IP6K2: variants seen among roughly 807,000 people sequenced by gnomAD.
The protein encoded by IP6K2 is inositol hexakisphosphate kinase 2.
In IP6K2, 9 loss-of-function variants were observed where a neutral mutation model predicts 43.3. That is an observed-to-expected ratio of 0.21 (90% CI 0.13 to 0.36). IP6K2 has a LOEUF of 0.36. Among genes scored for constraint, IP6K2 ranks in the 10% least tolerant of loss-of-function variants. The probability of loss-of-function intolerance (pLI) is 1.00; values close to 1 mark genes in which losing one functional copy is unlikely to be tolerated. For synonymous variants in IP6K2, 209 were observed against 202.4 expected, an observed-to-expected ratio of 1.03 and a Z score of -0.28; for missense variants, 332 against 538.4, an observed-to-expected ratio of 0.62 and a Z score of 3.79.
intron 1 of IP6K2, among the ~76,000 whole-genome samples, chr3:48,702,725 CTACGTTTCT>C (rs1280619140): frequency 2.0e-5 from 3 of 152,220 alleles, no homozygotes; most frequent in African/African-American, 7.2e-5. Context: ...CTGACATACT[CTACGTTTCT>C]TACTTGTCTT....
intron 2 of IP6K2, chr3:48,693,979 C>CGAGCGCCTTACAAACGACTGGCT: frequency 1.4e-6 from 2 of 1,385,286 alleles, no homozygotes; most frequent in Non-Finnish European, 1.9e-6. Context: ...CAGGTGCCGA[C>CGAGCGCCTTACAAACGACTGGCT]GAGCGCCTTA....
intron 1 of IP6K2, among the ~76,000 whole-genome samples, chr3:48,713,228 C>A (rs2080767617): frequency 1.3e-5 from 2 of 152,330 alleles, no homozygotes; most frequent in African/African-American, 4.8e-5. Context: ...GCTCACACGG[C>A]CCATGGGGCA....
chr3:48,702,712 C>T (rs548153753), intron 1 of IP6K2, among the ~76,000 whole-genome samples: 4 of 152,274 alleles, frequency 2.6e-5, no homozygotes, highest in Admixed American at 1.3e-4. Flanking sequence ...CACTTATCAC[C>T]GTCTGACATA....
At chr3:48,691,016 GT>G (rs957377916) in intron 4 of IP6K2, among the ~76,000 whole-genome samples, 17 of 151,918 alleles carry the variant, frequency 1.1e-4, no homozygotes, top group Admixed American at 6.6e-4. Context: ...CTTCCTCTAG[GT>G]TACCTAGGCT....
At position 48,688,664 on chromosome 3, in the gene IP6K2, C is replaced by T. The variant is rs761329817; in HGVS notation, c.890G>A (p.Arg297Gln). 5.0e-6 allele frequency: 8 copies of T among 1,614,112 alleles called. No homozygotes were observed. The highest frequency in any genetic ancestry group is 4.0e-5 in the African/African-American group (3 of 74,934). ...EALFQFFHNGRYLRRELLGPV... is the reference protein window; with the variant it reads ...EALFQFFHNGQYLRRELLGPV... ...GCCCAGGAGTTCACGGCGCAGGTAC[C>T]GCCCATTGTGGAAGAACTGGAAAAG... The change falls in exon 6 of 6, where the codon CGG (arginine) becomes CAG (glutamine). Residue 297 changes from arginine to glutamine, a missense_variant. Coordinates refer to ENST00000328631, the MANE Select transcript of IP6K2 (RefSeq NM_016291.4). The surrounding 1 kb of genome is among the most constrained non-coding windows in gnomAD (Gnocchi z 5.1).
intron 3 of IP6K2, among the ~76,000 whole-genome samples, 200 bp from the exon 4 acceptor site, chr3:48,691,682 G>A (rs1309890452): frequency 6.6e-6 from 1 of 152,002 alleles, no homozygotes; most frequent in Non-Finnish European, 1.5e-5. Flanking sequence ...CAGGCGTGGT[G>A]GTGTGCTCGG....
In IP6K2 at chr3:48,691,342, C is replaced by T; in HGVS notation, c.569G>A (p.Arg190Lys). The change falls in exon 4 of 6, where the codon AGA becomes AAA. Residue 190 changes from arginine (R) to lysine (K), a missense_variant. By Grantham distance (26) the Arg-to-Lys change is conservative. Transcript: ENST00000328631. ...CCGATGCTTTGCATTCTCCTTCATT[C>T]TCTGTAACTGTTGCTGGTGACATTT... Reference protein sequence around the residue: ...SMKCHQQQLQRMKENAKHRNQ... With the variant: ...SMKCHQQQLQKMKENAKHRNQ... 6.2e-7 allele frequency: 1 copy of T among 1,613,998 alleles called. No individual in the cohort carries two copies. The highest frequency in any genetic ancestry group is 8.5e-7 in the Non-Finnish European group (1 of 1,179,922).
chr3:48,689,683 C>A lies in IP6K2; in HGVS notation c.635G>T (p.Arg212Leu), dbSNP rs372776558. Residue 212 changes from arginine to leucine, a missense_variant, in exon 5 of 6, where the codon CGC (arginine) becomes CTC (leucine). Arg to Leu is a moderately radical substitution (Grantham distance 102). Transcript: ENST00000328631. ...GTCAAGGACACAAGGCACCTCGTAG[C>A]GGGAAGTCAGGTTTTCCAGTAAGAT... ...KFILLENLTS[R>L]YEVPCVLDLK... 1.2e-6 allele frequency: 2 copies of A among 1,613,794 alleles called. No homozygotes were observed. Among genetic ancestry groups the A allele is most frequent in the African/African-American group, 2.7e-5 (2 of 74,900 alleles).
At chr3:48,696,478 C>T (rs554245686) in intron 1 of IP6K2, among the ~76,000 whole-genome samples, 4 of 152,268 alleles carry the variant, frequency 2.6e-5, no homozygotes, top group Admixed American at 6.5e-5. Flanking sequence ...CTGGTACACA[C>T]CTTTAAACCA....
At chr3:48,712,388 A>G (rs989062350) in intron 1 of IP6K2, among the ~76,000 whole-genome samples, 7 of 150,988 alleles carry the variant, frequency 4.6e-5, no homozygotes, top group Non-Finnish European at 8.9e-5. Flanking sequence ...GACTACAGGC[A>G]CCCACCACCA....
intron 1 of IP6K2, among the ~76,000 whole-genome samples, chr3:48,697,488 A>AT (rs35746542): frequency 0.65 from 41,865 of 64,378 alleles, 14,115 homozygotes; most frequent in East Asian, 0.87. Flanking sequence ...ATGCCTGGCT[A>AT]TTTTTTTTTT....
In IP6K2 at chr3:48,688,746, T is replaced by C. The variant is rs747728098; in HGVS notation, c.808A>G (p.Met270Val). 6.2e-7 allele frequency: 1 copy of C among 1,612,952 alleles called. No homozygotes were observed. ...CGTCCATGGTACTTGTTCATGAACA[T>C]GAGCTGCCCACTGCCTGCTTGGTAC... ...QVYQAGSGQLMFMNKYHGRKL... is the reference protein window; with the variant it reads ...QVYQAGSGQLVFMNKYHGRKL... The change falls in exon 6 of 6, where the codon ATG becomes GTG. Residue 270 changes from methionine (M) to valine (V), a missense_variant. Coordinates refer to ENST00000328631, the MANE Select transcript of IP6K2 (RefSeq NM_016291.4). This position sits in a 1 kb window ranked among gnomAD's most constrained non-coding sequence, Gnocchi z 5.1.
At chr3:48,713,500 A>G (rs2080797592) in intron 1 of IP6K2, among the ~76,000 whole-genome samples, 1 of 152,240 alleles carries the variant, frequency 6.6e-6, no homozygotes, top group African/African-American at 2.4e-5. Context: ...TCACAAACTA[A>G]GTGCAAAAGC....
chr3:48,714,829 CAGAG>C (rs146456944), intron 1 of IP6K2, among the ~76,000 whole-genome samples: 18,397 of 120,776 alleles, frequency 0.15, 1,322 homozygotes, highest in African/African-American at 0.23. Flanking sequence ...GCCTGGGCGA[CAGAG>C]AGAGACTCCG....
chr3:48,716,216 C>T (rs2081177967), intron 1 of IP6K2, among the ~76,000 whole-genome samples: 1 of 152,216 alleles, frequency 6.6e-6, no homozygotes, highest in Non-Finnish European at 1.5e-5. Context: ...TAATCATGGT[C>T]CTCTATTAAA....
chr3:48,694,326 G>A (rs1396533030), intron 2 of IP6K2: 2 of 1,549,600 alleles, frequency 1.3e-6, no homozygotes, highest in Non-Finnish European at 1.7e-6. Context: ...TCAGAGTACA[G>A]AGAAAGGCAC....
chr3:48,703,399 T>C (rs1368104553), intron 1 of IP6K2, among the ~76,000 whole-genome samples: 2 of 152,146 alleles, frequency 1.3e-5, no homozygotes, highest in African/African-American at 4.8e-5. Flanking sequence ...GGTTGCTAAA[T>C]CGTCACTAAA....
chr3:48,707,503 C>T (rs1373055559), intron 1 of IP6K2, among the ~76,000 whole-genome samples: 4 of 152,146 alleles, frequency 2.6e-5, no homozygotes, highest in African/African-American at 7.2e-5. Flanking sequence ...GGCCTGATCT[C>T]GGCTCACCAC....
intron 4 of IP6K2, 64 bp downstream of exon 4, chr3:48,691,243 A>G: frequency 2.2e-6 from 3 of 1,370,598 alleles, no homozygotes; most frequent in Admixed American, 2.1e-5. Context: ...CCAAGCTCCA[A>G]GGGACTTCCT....
Sources: allele counts gnomAD v4.1 joint callset (sites outside exome capture counted in the v4.1 genomes callset), GRCh38; gene constraint gnomAD v4.1.1; non-coding constraint Gnocchi (gnomAD v3.1); transcripts MANE v1.5; gene names NCBI Gene and HGNC (gene_info 2026-07-23, HGNC 2026-07-21).